Variants in PCDH15 observed in about 807,000 individuals in gnomAD.
PCDH15 encodes the protein protocadherin related 15.
PCDH15 carries 129 observed loss-of-function variants against 178.5 expected under a neutral mutation model. The observed-to-expected ratio is 0.72, with a 90% CI of 0.63 to 0.84. PCDH15 has a LOEUF of 0.84. Ranked by LOEUF, PCDH15 falls within the 40% of genes least tolerant of loss-of-function variation. The pLI is 0.00. For synonymous variants in PCDH15, 800 were observed against 732.0 expected (o/e 1.09, Z -1.50); for missense variants, 2,230 against 2,099.9 (o/e 1.06, Z -1.21).
chr10:55,077,413 TCC>T (rs1276378423), intron 2 of PCDH15, among the ~76,000 whole-genome samples: 6 of 147,908 alleles, frequency 4.1e-5, no homozygotes, highest in African/African-American at 1.3e-4. Context: ...CTTCCTTCCT[TCC>T]TTCCTTCCTT....
chr10:55,222,903 T>G (rs1840927273), intron 1 of PCDH15, among the ~76,000 whole-genome samples: 1 of 151,836 alleles, frequency 6.6e-6, no homozygotes, highest in Admixed American at 6.6e-5. Context: ...GCACAAATTA[T>G]AGTGAAATCT....
At chr10:54,442,298 A>G (rs1329517116) in intron 3 of PCDH15, among the ~76,000 whole-genome samples, 1 of 149,132 alleles carries the variant, frequency 6.7e-6, no homozygotes, top group African/African-American at 2.5e-5. Flanking sequence ...TTGGGGATAA[A>G]CCGTGGATTA....
chr10:53,981,179 A>G (rs2090609917), intron 21 of PCDH15, among the ~76,000 whole-genome samples: 1 of 152,234 alleles, frequency 6.6e-6, no homozygotes, highest in Admixed American at 6.5e-5. Context: ...GAATGAATGT[A>G]AATTTACACC....
intron 18 of PCDH15, among the ~76,000 whole-genome samples, chr10:54,032,348 AT>A (rs2093317409): frequency 6.6e-6 from 1 of 151,528 alleles, no homozygotes; most frequent in African/African-American, 2.4e-5. Context: ...TTTTTCTGTC[AT>A]TTTTTAATAG....
At chr10:55,417,133 C>A (rs755479855) in intron 2 of PCDH15, among the ~76,000 whole-genome samples, 11 of 151,748 alleles carry the variant, frequency 7.2e-5, no homozygotes, top group Non-Finnish European at 1.6e-4. Context: ...GTATCATATT[C>A]AAATTCATTC....
chr10:55,143,562 G>A (rs562185063), intron 2 of PCDH15, among the ~76,000 whole-genome samples: 3 of 152,012 alleles, frequency 2.0e-5, no homozygotes, highest in East Asian at 1.9e-4. Context: ...ATTTATCACC[G>A]TGTTTTGCAA....
At chr10:54,633,826 T>C (rs72792600) in intron 2 of PCDH15, among the ~76,000 whole-genome samples, 272 of 152,188 alleles carry the variant, frequency 1.8e-3, no homozygotes, top group Non-Finnish European at 3.4e-3. Flanking sequence ...GCAATAACCA[T>C]GGAGAACTGA....
chr10:54,563,628 A>G (rs1467286164), intron 2 of PCDH15, among the ~76,000 whole-genome samples: 1 of 152,194 alleles, frequency 6.6e-6, no homozygotes. Context: ...ATGTCATTAC[A>G]TCAGTGGAAT....
intron 1 of PCDH15, among the ~76,000 whole-genome samples, chr10:55,315,110 T>C (rs1843689831): frequency 6.6e-6 from 1 of 152,102 alleles, no homozygotes; most frequent in Non-Finnish European, 1.5e-5. Context: ...AGTTAATATA[T>C]ATGTGAACAT....
intron 2 of PCDH15, among the ~76,000 whole-genome samples, chr10:55,603,159 G>A (rs1246966941): frequency 6.6e-6 from 1 of 152,066 alleles, no homozygotes; most frequent in Admixed American, 6.6e-5. Context: ...TGAAATGAAT[G>A]AAATGAAGCG....
chr10:55,096,327 C>T (rs1006317883), intron 2 of PCDH15, among the ~76,000 whole-genome samples: 4 of 152,114 alleles, frequency 2.6e-5, no homozygotes, highest in Admixed American at 2.6e-4. Flanking sequence ...TTAGGTCTGA[C>T]ATCTGGCTTT....
At chr10:54,656,396 G>A (rs893080989) in intron 2 of PCDH15, among the ~76,000 whole-genome samples, 2 of 152,068 alleles carry the variant, frequency 1.3e-5, no homozygotes, top group African/African-American at 2.4e-5. Context: ...GCTAACCATC[G>A]AATTATTAGA....
At chr10:55,339,597 G>A (rs1475915657) in intron 2 of PCDH15, among the ~76,000 whole-genome samples, 2 of 151,920 alleles carry the variant, frequency 1.3e-5, no homozygotes, top group South Asian at 2.1e-4. Flanking sequence ...AATAGTTTCA[G>A]GACACATAAG....
At position 54,841,342 on chromosome 10, in the gene PCDH15, G is replaced by T. The variant is rs141773668; in HGVS notation, c.-29+56108C>A. ...ATGAGCAAAAGAAGAAATAAAGAGA[G>T]AAATAAAAAAGCATCTTAAAATTTT... is the stretch of plus-strand genomic sequence containing the variant. On this transcript the variant is annotated intron_variant, in intron 3 of 5. Coordinates refer to the PCDH15 transcript ENST00000458638. Among the ~76,000 whole-genome samples the T allele has an allele frequency of 1.7e-3, 264 of 151,828 alleles. 4 individuals are homozygous for T. The highest frequency in any genetic ancestry group is 5.9e-3 in the African/African-American group (244 of 41,498).
At chr10:54,519,471 A>G (rs2082606787) in intron 3 of PCDH15, among the ~76,000 whole-genome samples, 1 of 152,198 alleles carries the variant, frequency 6.6e-6, no homozygotes, top group South Asian at 2.1e-4. Flanking sequence ...AATTGCTTCA[A>G]AGAGAATAAA....
intron 1 of PCDH15, among the ~76,000 whole-genome samples, chr10:54,728,945 C>T (rs1290262913): frequency 6.6e-6 from 1 of 151,448 alleles, no homozygotes; most frequent in Non-Finnish European, 1.5e-5. Context: ...AATGGAAATA[C>T]ATACCATGCT....
intron 8 of PCDH15, among the ~76,000 whole-genome samples, chr10:54,298,488 G>A (rs1393419058): frequency 6.6e-6 from 1 of 152,140 alleles, no homozygotes; most frequent in Non-Finnish European, 1.5e-5. Flanking sequence ...ATCACCCAGT[G>A]GGGCTTGTTA....
At chr10:54,799,118 G>A (rs564727101) in intron 1 of PCDH15, among the ~76,000 whole-genome samples, 59 of 152,214 alleles carry the variant, frequency 3.9e-4, no homozygotes, top group African/African-American at 1.4e-3. Context: ...CGTACGTTTT[G>A]TGATCAAATA....
At chr10:53,993,233 A>C (rs2091640497) in intron 21 of PCDH15, among the ~76,000 whole-genome samples, 1 of 152,228 alleles carries the variant, frequency 6.6e-6, no homozygotes, top group African/African-American at 2.4e-5. Flanking sequence ...TTTCTACAGT[A>C]ATACAAAATT....
Sources: allele counts gnomAD v4.1 joint callset (sites outside exome capture counted in the v4.1 genomes callset), GRCh38; gene constraint gnomAD v4.1.1; transcripts MANE v1.5; gene names NCBI Gene and HGNC (gene_info 2026-07-23, HGNC 2026-07-21).